MYH10: variants seen among roughly 807,000 people sequenced by gnomAD.
MYH10 encodes the protein myosin-10.
In MYH10, 55 loss-of-function variants were observed where a neutral mutation model predicts 257.8. The ratio of observed to expected loss-of-function variants is 0.21; its 90% CI spans 0.17 to 0.27. MYH10 has a LOEUF of 0.27. Ranked by LOEUF, MYH10 falls within the 10% of genes least tolerant of loss-of-function variation. The pLI is 1.00. For missense variants in MYH10, 1,631 were observed against 2,500.6 expected (o/e 0.65, Z 7.42); for synonymous variants, 854 against 921.7 (o/e 0.93, Z 1.33).
chr17:8,567,228 A>G (rs1597847878), intron 7 of MYH10, among the ~76,000 whole-genome samples: 1 of 152,302 alleles, frequency 6.6e-6, no homozygotes, highest in East Asian at 1.9e-4. Flanking sequence ...GAAGGAATGC[A>G]GTTTCCTCAG....
Position 8,506,176 on chromosome 17 carries a change from T to C in MYH10, c.3386+142A>G, listed in dbSNP as rs1385376139. 2 of 778,416 alleles carry C rather than the reference T, an allele frequency of 2.6e-6. No homozygotes were observed. Among genetic ancestry groups the C allele is most frequent in the Non-Finnish European group, 3.9e-6 (2 of 516,450 alleles). The allele number at this position is 778,416 out of a possible 1,614,324, so 48.2% of individuals were successfully genotyped here. A position where few individuals can be genotyped will look rare whatever the true frequency, so the allele number is the denominator to read the frequency against. Reference sequence around the variant, plus strand: ...TGACACAAATTCTGTACGCCTGGGCTTTTCACTTTCTCAGGTCACACCAAA... The same window carrying C: ...TGACACAAATTCTGTACGCCTGGGCCTTTCACTTTCTCAGGTCACACCAAA... On this transcript the variant is annotated intron_variant, in intron 27 of 42. Coordinates refer to ENST00000360416, the MANE Select transcript of MYH10 (RefSeq NM_001256012.3). The surrounding 1 kb of genome is among the most constrained non-coding windows in gnomAD (Gnocchi z 5.0).
At position 8,490,649 on chromosome 17, in the gene MYH10, G is replaced by A; in HGVS notation, c.4672-97C>T. 3.1e-6 allele frequency: 4 copies of A among 1,272,466 alleles called. No individual in the cohort carries two copies. The highest frequency in any genetic ancestry group is 4.5e-6 in the Non-Finnish European group (4 of 885,894). 78.8% of individuals were successfully genotyped at this position (1,272,466 alleles called of 1,614,324 possible). ...TTTACAGGCCCACTCGTGGCATGCT[G>A]GCCACTTTGGTCCCCCTGGGCCGGC... On this transcript the variant is annotated intron_variant, in intron 34 of 42. Coordinates refer to ENST00000360416, the MANE Select transcript of MYH10 (RefSeq NM_001256012.3). The surrounding 1 kb of genome is among the most constrained non-coding windows in gnomAD (Gnocchi z 4.1).
chr17:8,546,763 T>A, intron 11 of MYH10, 101 bp from the exon 12 acceptor site: 1 of 772,490 alleles, frequency 1.3e-6, no homozygotes. Context: ...AATTAAATTG[T>A]ATTAAGAAAT....
chr17:8,502,698 G>T (rs778446573), intron 28 of MYH10, among the ~76,000 whole-genome samples: 1 of 152,176 alleles, frequency 6.6e-6, no homozygotes, highest in Non-Finnish European at 1.5e-5. Flanking sequence ...GGTGGTTTGT[G>T]TTCTCTAAGG....
At chr17:8,596,153 C>CTT (rs11347837) in intron 3 of MYH10, among the ~76,000 whole-genome samples, 2 of 110,408 alleles carry the variant, frequency 1.8e-5, no homozygotes, top group African/African-American at 6.5e-5. Context: ...TATTTTCTGA[C>CTT]TTTTTTTTTT....
At chr17:8,514,098 C>G (rs536123090) in intron 21 of MYH10, among the ~76,000 whole-genome samples, 1 of 152,316 alleles carries the variant, frequency 6.6e-6, no homozygotes, top group South Asian at 2.1e-4. Flanking sequence ...CAGCCCACCT[C>G]AGGCCCCTGG....
At chr17:8,529,552 C>T (rs1032348274) in intron 17 of MYH10, among the ~76,000 whole-genome samples, 13 of 152,212 alleles carry the variant, frequency 8.5e-5, no homozygotes, top group African/African-American at 3.1e-4. Context: ...ATTTAGAGAT[C>T]TCTTCCTTTG....
At chr17:8,604,743 T>C in intron 3 of MYH10, 83 bp downstream of exon 3, 1 of 1,019,392 alleles carries the variant, frequency 9.8e-7, no homozygotes, top group Non-Finnish European at 1.3e-6. Context: ...ATTTAACTTT[T>C]GTAGAATACA....
At chr17:8,572,259 AGTGAGAG>A (rs2083374971) in intron 6 of MYH10, among the ~76,000 whole-genome samples, 1 of 147,742 alleles carries the variant, frequency 6.8e-6, no homozygotes. Context: ...TGTGTGTGTG[AGTGAGAG>A]AGAGAGAGAG....
At chr17:8,608,683 A>G (rs1028574838) in intron 2 of MYH10, among the ~76,000 whole-genome samples, 2 of 152,254 alleles carry the variant, frequency 1.3e-5, no homozygotes, top group Non-Finnish European at 2.9e-5. Flanking sequence ...GGAGACATAC[A>G]AAAATATTTG....
intron 1 of MYH10, among the ~76,000 whole-genome samples, chr17:8,627,519 T>C (rs2152115523): frequency 6.6e-6 from 1 of 152,346 alleles, no homozygotes; most frequent in South Asian, 2.1e-4. Flanking sequence ...TACCCTGCGT[T>C]GTACCAGAGG....
At chr17:8,543,447 T>C (rs1442379623) in intron 13 of MYH10, among the ~76,000 whole-genome samples, 1 of 151,860 alleles carries the variant, frequency 6.6e-6, no homozygotes, top group Non-Finnish European at 1.5e-5. Flanking sequence ...TGACATCCTA[T>C]TGCTCTATTT....
At chr17:8,511,159 G>A (rs1469231064) in intron 24 of MYH10, 2 of 151,110 alleles carry the variant, frequency 1.3e-5, no homozygotes, top group African/African-American at 4.9e-5. Context: ...TGTCTAGCAG[G>A]ATTTCTGGTT....
chr17:8,531,006 T>C (rs930076829), intron 16 of MYH10, among the ~76,000 whole-genome samples: 6 of 152,220 alleles, frequency 3.9e-5, no homozygotes, highest in African/African-American at 1.4e-4. Flanking sequence ...TTGAGTTGTC[T>C]ATCGTAAAAA....
At chr17:8,547,890 G>T (rs1226843680) in intron 11 of MYH10, among the ~76,000 whole-genome samples, 1 of 149,148 alleles carries the variant, frequency 6.7e-6, no homozygotes, top group Non-Finnish European at 1.5e-5. Context: ...AACCATTTTC[G>T]ACATTTAAAA....
intron 16 of MYH10, among the ~76,000 whole-genome samples, chr17:8,531,293 A>T (rs1235914809): frequency 6.6e-6 from 1 of 152,190 alleles, no homozygotes; most frequent in Non-Finnish European, 1.5e-5. Flanking sequence ...TATTGATCAT[A>T]CTGTTACTCA....
intron 16 of MYH10, among the ~76,000 whole-genome samples, chr17:8,532,836 C>T (rs2151927793): frequency 6.6e-6 from 1 of 152,242 alleles, no homozygotes; most frequent in Non-Finnish European, 1.5e-5. Context: ...GAAGCACATA[C>T]TTAGGTATGT....
At chr17:8,614,468 G>A (rs1033532781) in intron 2 of MYH10, among the ~76,000 whole-genome samples, 6 of 151,756 alleles carry the variant, frequency 4.0e-5, no homozygotes, top group Non-Finnish European at 7.4e-5. Context: ...ACAGGCACAC[G>A]CCACCACACC....
At chr17:8,627,504 T>C (rs932958618) in intron 1 of MYH10, among the ~76,000 whole-genome samples, 6 of 152,220 alleles carry the variant, frequency 3.9e-5, no homozygotes, top group African/African-American at 9.6e-5. Flanking sequence ...ACTTTCTTCT[T>C]ACCCTACCCT....
Sources: allele counts gnomAD v4.1 joint callset (sites outside exome capture counted in the v4.1 genomes callset), GRCh38; gene constraint gnomAD v4.1.1; non-coding constraint Gnocchi (gnomAD v3.1); transcripts MANE v1.5; gene names NCBI Gene and HGNC (gene_info 2026-07-23, HGNC 2026-07-21).